The following NUP107 variants were observed in gnomAD, a reference collection of about 807,000 sequenced individuals.
The protein encoded by NUP107 is nucleoporin 107, also known as nuclear pore complex protein Nup107.
In NUP107, 101 loss-of-function variants were observed where a neutral mutation model predicts 141.0. The ratio of observed to expected loss-of-function variants is 0.72; its 90% confidence interval spans 0.61 to 0.84. The LOEUF (loss-of-function observed/expected upper bound fraction) is 0.84. Among genes scored for constraint, NUP107 ranks in the 40% least tolerant of loss-of-function variants. NUP107 has a pLI of 0.00. For synonymous variants in NUP107, 319 were observed against 363.9 expected (o/e 0.88, Z 1.41); for missense variants, 941 against 1,102.7 (o/e 0.85, Z 2.08).
chr12:68,729,537 G>A (rs192685203), intron 20 of NUP107, among the ~76,000 whole-genome samples: 5 of 151,272 alleles, frequency 3.3e-5, no homozygotes, highest in Admixed American at 2.0e-4. Flanking sequence ...CTGCCTCACC[G>A]GGGTCAAGCG....
chr12:68,717,635 A>G (rs1877170346), intron 12 of NUP107, among the ~76,000 whole-genome samples: 1 of 152,218 alleles, frequency 6.6e-6, no homozygotes, highest in Non-Finnish European at 1.5e-5. Context: ...CAACCCAAAT[A>G]CAAACTGTAA....
At chr12:68,719,676 G>T in intron 14 of NUP107, 22 bp downstream of exon 14, 2 of 1,520,210 alleles carry the variant, frequency 1.3e-6, no homozygotes, top group Non-Finnish European at 1.8e-6. Flanking sequence ...AAAATATTCA[G>T]TGATACTGTT....
intron 5 of NUP107, among the ~76,000 whole-genome samples, chr12:68,692,363 G>A (rs1049146351): frequency 5.3e-5 from 8 of 151,864 alleles, no homozygotes; most frequent in East Asian, 1.9e-4. Context: ...GGCAGATCAC[G>A]AGGTCAGGAG....
intron 8 of NUP107, among the ~76,000 whole-genome samples, chr12:68,708,190 A>G (rs773298493): frequency 7.9e-5 from 12 of 152,198 alleles, no homozygotes; most frequent in Non-Finnish European, 1.8e-4. Flanking sequence ...TCCTGGAGCC[A>G]ATCCCCCATG....
intron 12 of NUP107, among the ~76,000 whole-genome samples, chr12:68,717,418 C>T (rs914669779): frequency 4.6e-5 from 7 of 152,002 alleles, no homozygotes; most frequent in Non-Finnish European, 4.4e-5. Context: ...ATAAAATTTA[C>T]ATACCATGTA....
At chr12:68,730,214 C>CTT (rs756700880) in intron 20 of NUP107, among the ~76,000 whole-genome samples, 862 of 85,292 alleles carry the variant, frequency 0.01, 54 homozygotes, top group Middle Eastern at 0.02. Flanking sequence ...GTGATACTAC[C>CTT]TTTTTTTTTT....
At chr12:68,721,690 G>T in intron 15 of NUP107, 151 bp from the exon 16 acceptor site, 1 of 692,952 alleles carries the variant, frequency 1.4e-6, no homozygotes, top group East Asian at 2.8e-5. Context: ...AGTTGGCGGA[G>T]GAAAGGTTAT....
At position 68,741,980 on chromosome 12, in the gene NUP107, G is replaced by C; in HGVS notation, c.2670G>C (p.Leu890=). 1 of 1,598,708 alleles carries C rather than the reference G, an allele frequency of 6.3e-7. No individual in the cohort carries two copies. Among genetic ancestry groups the C allele is most frequent in the Non-Finnish European group, 8.5e-7 (1 of 1,171,100 alleles). The change falls in exon 27 of 28, where the codon CTG becomes CTC. Residue 890 remains leucine, a splice_region_variant and synonymous_variant. Coordinates refer to ENST00000229179, the MANE Select transcript of NUP107 (RefSeq NM_020401.4). ...MVSSERHKLY[L]VFSKEELRKL... ...CCTCTGAGCGCCACAAACTGTACCT[G>C]GTAAGTTCTAGAGCCTTGTAGTTTT...
chr12:68,710,150 C>G, intron 10 of NUP107, 57 bp downstream of exon 10: 2 of 888,086 alleles, frequency 2.3e-6, no homozygotes, highest in Non-Finnish European at 3.7e-6. Context: ...GTTCATTCAT[C>G]TTTCAATAAG....
chr12:68,691,603 G>C (rs181534394), intron 4 of NUP107, among the ~76,000 whole-genome samples: 1 of 152,272 alleles, frequency 6.6e-6, no homozygotes, highest in African/African-American at 2.4e-5. Flanking sequence ...GGAGGCTGAG[G>C]CAGGTGGATC....
Position 68,700,865 on chromosome 12 carries a change from T to C in NUP107, c.680+12T>C. ...GCTTCTTTGTATAGGTAATGGCGTC[T>C]AGAATTCATAAGTGAAATAAACATA... On this transcript the variant is annotated intron_variant, in intron 7 of 27. Coordinates refer to ENST00000229179, the MANE Select transcript of NUP107 (RefSeq NM_020401.4). 6.4e-7 allele frequency: 1 copy of C among 1,561,884 alleles called. No individual in the cohort carries two copies. The highest frequency in any genetic ancestry group is 8.6e-7 in the Non-Finnish European group (1 of 1,161,416).
At position 68,716,043 on chromosome 12, in the gene NUP107, T is replaced by G. The variant is rs550706738; in HGVS notation, c.1083+303T>G. Among the ~76,000 whole-genome samples, 16 of 152,062 alleles carry G rather than the reference T, an allele frequency of 1.1e-4. No homozygotes were observed. The South Asian group carries it at 2.5e-3, about 24-fold the overall frequency. ...CCATTATTTATTTTTTTGTTCCGTT[T>G]GAGATTTTTGTTTTTGTTTTTGTTT... On this transcript the variant is annotated intron_variant, in intron 12 of 27. Transcript: ENST00000229179.
At chr12:68,740,501 C>T (rs1161428315) in intron 26 of NUP107, among the ~76,000 whole-genome samples, 1 of 152,142 alleles carries the variant, frequency 6.6e-6, no homozygotes, top group African/African-American at 2.4e-5. Flanking sequence ...CCTAGATTAG[C>T]CCAAATTAGT....
At chr12:68,709,134 A>G (rs188229318) in intron 8 of NUP107, 104 bp from the exon 9 acceptor site, 201 of 738,344 alleles carry the variant, frequency 2.7e-4, no homozygotes, top group Non-Finnish European at 3.4e-4. Flanking sequence ...TAGATGATTA[A>G]CTGTACTTGT....
chr12:68,737,146 A>G (rs185916598), intron 26 of NUP107, among the ~76,000 whole-genome samples: 1 of 152,354 alleles, frequency 6.6e-6, no homozygotes. Flanking sequence ...TAAAATGCTA[A>G]TTAAGTGTCA....
At chr12:68,715,794 G>A in intron 12 of NUP107, 54 bp downstream of exon 12, 1 of 1,097,728 alleles carries the variant, frequency 9.1e-7, no homozygotes, top group Non-Finnish European at 1.4e-6. Flanking sequence ...GACTCTTTGA[G>A]TTGGAAGAGA....
intron 5 of NUP107, among the ~76,000 whole-genome samples, chr12:68,692,448 G>A (rs1367783955): frequency 1.3e-5 from 2 of 152,026 alleles, no homozygotes; most frequent in East Asian, 3.9e-4. Context: ...GTATGGTGGT[G>A]CACACCTGTA....
intron 8 of NUP107, chr12:68,707,189 AC>A: frequency 4.6e-6 from 2 of 438,974 alleles, no homozygotes; most frequent in East Asian, 4.2e-5. Flanking sequence ...CCCTCTGCCC[AC>A]CCGTGGGGGG....
chr12:68,705,829 G>C, intron 8 of NUP107: 2 of 771,076 alleles, frequency 2.6e-6, no homozygotes, highest in Non-Finnish European at 4.8e-6. Flanking sequence ...CATCACCCCA[G>C]TCACGGTCAA....
Sources: allele counts gnomAD v4.1 joint callset (sites outside exome capture counted in the v4.1 genomes callset), GRCh38; gene constraint gnomAD v4.1.1; transcripts MANE v1.5; gene names NCBI Gene and HGNC (gene_info 2026-07-23, HGNC 2026-07-21).